The following PRDM10 variants were observed in gnomAD, a reference collection of about 807,000 sequenced individuals.
PRDM10 encodes the protein PR domain zinc finger protein 10.
Under a neutral mutation model 133.1 loss-of-function variants are expected in PRDM10, and 65 were observed. The ratio of observed to expected loss-of-function variants is 0.49; its 90% CI spans 0.40 to 0.60. The LOEUF (loss-of-function observed/expected upper bound fraction) is 0.60. PRDM10 is among the 20% of genes least tolerant of loss of function. The pLI is 0.00. For missense variants in PRDM10, 1,137 were observed against 1,507.1 expected, an observed-to-expected ratio of 0.75 and a Z score of 4.07; for synonymous variants, 582 against 580.4, an observed-to-expected ratio of 1.00 and a Z score of -0.04.
intron 2 of PRDM10, among the ~76,000 whole-genome samples, chr11:129,958,802 A>C (rs76467937): frequency 0.02 from 3,059 of 152,288 alleles, 102 homozygotes; most frequent in African/African-American, 0.064. Context: ...AATTCTAATA[A>C]AGTACTTTTA....
intron 1 of PRDM10, among the ~76,000 whole-genome samples, chr11:130,000,457 T>C (rs1422733351): frequency 6.6e-6 from 1 of 152,252 alleles, no homozygotes; most frequent in Non-Finnish European, 1.5e-5. Context: ...TATTGAGTTG[T>C]GCTATCCTTT....
chr11:129,991,598 C>A (rs1565515847), intron 1 of PRDM10, among the ~76,000 whole-genome samples: 1 of 152,074 alleles, frequency 6.6e-6, no homozygotes, highest in East Asian at 1.9e-4. Flanking sequence ...AGGGGTGGAT[C>A]ACCTGAGGTC....
At chr11:129,922,729 GCTT>G (rs1189378723) in intron 13 of PRDM10, among the ~76,000 whole-genome samples, 1 of 152,150 alleles carries the variant, frequency 6.6e-6, no homozygotes, top group East Asian at 1.9e-4. Flanking sequence ...GTTTTGCTCG[GCTT>G]CTTCTAAGTT....
chr11:129,901,733 A>T lies in PRDM10; in HGVS notation c.*580T>A, dbSNP rs1349636886. On this transcript the variant is annotated 3_prime_UTR_variant, in exon 21 of 21. Coordinates refer to ENST00000360871, the MANE Select transcript of PRDM10 (RefSeq NM_199437.2). ...TTCTAAAATAGGGAAGTTAAAAAAA[A>T]TCAGCAAGAAAAATTTAGATGACAG... 1 of 152,300 alleles carries T rather than the reference A, an allele frequency of 6.6e-6. No individual in the cohort carries two copies. Among genetic ancestry groups the T allele is most frequent in the Non-Finnish European group, 1.5e-5 (1 of 68,070 alleles). 9.4% of individuals were successfully genotyped at this position (152,300 alleles called of 1,614,324 possible). A position where few individuals can be genotyped will look rare whatever the true frequency, so the allele number is the denominator to read the frequency against.
In PRDM10 at chr11:129,944,810, G is replaced by A. The variant is rs762366388; in HGVS notation, c.723C>T (p.Val241=). ...AACAGTCTTTCAGCTCCGAGCCCCT[G>A]ACGAGAGGCCCCTCCACGGGGCCAA... ...TQFGPVEGPL[V]RGSELKDCYI... The change falls in exon 6 of 21, where the codon GTC becomes GTT. Residue 241 remains valine, a synonymous_variant. Coordinates refer to ENST00000360871, the MANE Select transcript of PRDM10 (RefSeq NM_199437.2). 1.9e-6 allele frequency: 3 copies of A among 1,613,864 alleles called. 1 individual carries two copies. The highest frequency in any genetic ancestry group is 2.2e-5 in the South Asian group (2 of 91,086).
At chr11:129,939,148 C>T (rs746423642) in intron 7 of PRDM10, among the ~76,000 whole-genome samples, 4 of 152,236 alleles carry the variant, frequency 2.6e-5, no homozygotes, top group Non-Finnish European at 4.4e-5. Context: ...GAACTTACCC[C>T]ATGAGTTATT....
At chr11:129,992,791 C>A (rs1938823903) in intron 1 of PRDM10, among the ~76,000 whole-genome samples, 1 of 152,178 alleles carries the variant, frequency 6.6e-6, no homozygotes, top group South Asian at 2.1e-4. Context: ...CTTTTAGGAA[C>A]TGAAGAAGAC....
chr11:129,924,333 C>CATTGG (rs1227948293), intron 12 of PRDM10, among the ~76,000 whole-genome samples: 1 of 152,218 alleles, frequency 6.6e-6, no homozygotes, highest in African/African-American at 2.4e-5. Context: ...AAAATCTTAT[C>CATTGG]ACTTAAAGTC....
chr11:129,992,905 C>G (rs766410046), intron 1 of PRDM10, among the ~76,000 whole-genome samples: 9 of 152,200 alleles, frequency 5.9e-5, no homozygotes, highest in Non-Finnish European at 1.2e-4. Context: ...GAACACAACA[C>G]AGCAGTCCTG....
intron 1 of PRDM10, among the ~76,000 whole-genome samples, chr11:129,981,131 A>C (rs1472209645): frequency 6.6e-6 from 1 of 152,114 alleles, no homozygotes; most frequent in Non-Finnish European, 1.5e-5. Flanking sequence ...CGGGCCTCCC[A>C]AAGTGCTGGA....
At chr11:129,962,409 G>A (rs1565497729) in intron 1 of PRDM10, among the ~76,000 whole-genome samples, 1 of 152,212 alleles carries the variant, frequency 6.6e-6, no homozygotes, top group Non-Finnish European at 1.5e-5. Context: ...CCATCCAGGT[G>A]CCTGTTCCTG....
Position 129,945,987 on chromosome 11 carries a change from A to G in PRDM10, c.521-975T>C, listed in dbSNP as rs1394682210. Among the ~76,000 whole-genome samples, 1 of 152,156 alleles carries G rather than the reference A, an allele frequency of 6.6e-6. No individual in the cohort carries two copies. Among genetic ancestry groups the G allele is most frequent in the African/African-American group, 2.4e-5 (1 of 41,426 alleles). On this transcript the variant is annotated intron_variant, in intron 5 of 20. Transcript: ENST00000360871. The surrounding 1 kb of genome is among the most constrained non-coding windows in gnomAD (Gnocchi z 4.2). ...GTGCAGTGGCTCAGCCTGTAATCCC[A>G]GCACTTTGGGAGGCTGAGGTGGGCG...
chr11:129,993,548 G>A (rs1240139218), intron 1 of PRDM10, among the ~76,000 whole-genome samples: 2 of 151,840 alleles, frequency 1.3e-5, no homozygotes, highest in African/African-American at 4.8e-5. Context: ...GCAGTGGTGC[G>A]ATCTCGGATC....
At chr11:129,961,667 G>C (rs1951798219) in intron 1 of PRDM10, among the ~76,000 whole-genome samples, 1 of 152,024 alleles carries the variant, frequency 6.6e-6, no homozygotes, top group Non-Finnish European at 1.5e-5. Context: ...TTTGAGACCA[G>C]CCTGGTTAAC....
At chr11:129,969,660 A>G (rs1048097560) in intron 1 of PRDM10, among the ~76,000 whole-genome samples, 3 of 149,556 alleles carry the variant, frequency 2.0e-5, no homozygotes, top group African/African-American at 7.4e-5. Context: ...AAAAAAAATT[A>G]GCCGGGCGTG....
Position 129,918,611 on chromosome 11 carries a change from C to A in PRDM10, c.2142G>T (p.Thr714=). 1.9e-6 allele frequency: 3 copies of A among 1,614,222 alleles called. No homozygotes were observed. Among genetic ancestry groups the A allele is most frequent in the Non-Finnish European group, 2.5e-6 (3 of 1,180,038 alleles). The change falls in exon 14 of 21, where the codon ACG becomes ACT. Residue 714 remains threonine, a synonymous_variant. Coordinates refer to ENST00000360871, the MANE Select transcript of PRDM10 (RefSeq NM_199437.2). The surrounding 1 kb of genome is among the most constrained non-coding windows in gnomAD (Gnocchi z 5.3). ...ACGTGAAGCTGTCGTAGTCTGTGGA[C>A]GTGATGCGGGGCTTGAACGTCTTGG... The part of the protein sequence containing the change: ...SRSKTFKPRI[T]STDYDSFTFK...
chr11:129,969,639 CAA>C lies in PRDM10; in HGVS notation c.-118-8559_-118-8558del, dbSNP rs140612028. 3.5e-3 allele frequency among the ~76,000 whole-genome samples: 358 copies of C among 103,368 alleles called. 1 individual carries two copies. Among genetic ancestry groups the C allele is most frequent in the African/African-American group, 2.8e-3 (92 of 32,898 alleles). The allele number at this position is 103,368 out of a possible 152,430, so 67.8% of individuals were successfully genotyped here. ...TGAAACCCCATCTCTACTAGAAATA[CAA>C]AAAAAAAAAAAAAAAATTAGCCGGG... On this transcript the variant is annotated intron_variant, in intron 1 of 20. Transcript: ENST00000360871.
chr11:129,952,809 C>T (rs899309218), intron 4 of PRDM10, among the ~76,000 whole-genome samples: 6 of 151,814 alleles, frequency 4.0e-5, no homozygotes, highest in South Asian at 4.2e-4. Flanking sequence ...TGTGATTCGC[C>T]GTGCCTGGCC....
chr11:129,937,178 T>C (rs1337734108), intron 8 of PRDM10, among the ~76,000 whole-genome samples: 1 of 152,228 alleles, frequency 6.6e-6, no homozygotes, highest in African/African-American at 2.4e-5. Flanking sequence ...TTGATCTGGG[T>C]GCAGGTTACA....
Sources: gnomAD v4.1 joint callset for allele counts (sites outside exome capture counted in the v4.1 genomes callset) on GRCh38, gnomAD v4.1.1 for gene constraint, Gnocchi (gnomAD v3.1) non-coding constraint, MANE v1.5 for transcripts, NCBI Gene and HGNC (gene_info 2026-07-23, HGNC 2026-07-21) for gene names.